Variants in AUTS2 observed in about 807,000 individuals in gnomAD.
The protein encoded by AUTS2 is autism susceptibility gene 2 protein.
Under a neutral mutation model 112.4 loss-of-function variants are expected in AUTS2, and 17 were observed. The observed-to-expected ratio is 0.15, with a 90% CI of 0.10 to 0.23. The LOEUF (loss-of-function observed/expected upper bound fraction) is 0.23, where lower values mean the gene tolerates loss of function less well. Ranked by LOEUF, AUTS2 falls within the 10% of genes least tolerant of loss-of-function variation. The probability of loss-of-function intolerance (pLI) is 1.00; values close to 1 mark genes in which losing one functional copy is unlikely to be tolerated. For missense variants in AUTS2, 1,510 were observed against 1,701.6 expected, an observed-to-expected ratio of 0.89 and a Z score of 1.98; for synonymous variants, 751 against 702.7, an observed-to-expected ratio of 1.07 and a Z score of -1.09.
At chr7:70,522,629 A>G (rs534243356) in intron 5 of AUTS2, among the ~76,000 whole-genome samples, 1 of 152,210 alleles carries the variant, frequency 6.6e-6, no homozygotes, top group African/African-American at 2.4e-5. Context: ...TGCAAAGGAC[A>G]TGATTTTGTT....
chr7:69,897,374 G>A (rs1313087417), intron 1 of AUTS2, among the ~76,000 whole-genome samples: 1 of 152,112 alleles, frequency 6.6e-6, no homozygotes, highest in South Asian at 2.1e-4. Context: ...GAAGTCCAAG[G>A]TGGAGGCACC....
intron 1 of AUTS2, among the ~76,000 whole-genome samples, chr7:69,726,174 T>G (rs1288703974): frequency 6.6e-6 from 1 of 152,174 alleles, no homozygotes; most frequent in Non-Finnish European, 1.5e-5. Flanking sequence ...CTGAAAAAGT[T>G]TTTTAGTTTC....
At chr7:69,812,672 G>C (rs534639135) in intron 1 of AUTS2, among the ~76,000 whole-genome samples, 1 of 151,368 alleles carries the variant, frequency 6.6e-6, no homozygotes, top group African/African-American at 2.4e-5. Context: ...TCTCTATCTG[G>C]TTTTTTTTTC....
chr7:70,361,510 G>A (rs1001032007), intron 4 of AUTS2, among the ~76,000 whole-genome samples: 11 of 152,132 alleles, frequency 7.2e-5, no homozygotes, highest in African/African-American at 2.7e-4. Context: ...GTTTTCCAGA[G>A]CATTGCTGGG....
At chr7:70,070,629 G>A (rs1386174734) in intron 2 of AUTS2, among the ~76,000 whole-genome samples, 1 of 152,152 alleles carries the variant, frequency 6.6e-6, no homozygotes, top group Non-Finnish European at 1.5e-5. Flanking sequence ...ACTTTGGGAG[G>A]CTGAGGAGGG....
intron 4 of AUTS2, among the ~76,000 whole-genome samples, chr7:70,217,251 CCTT>C (rs1274706913): frequency 2.6e-5 from 4 of 152,222 alleles, no homozygotes; most frequent in African/African-American, 7.2e-5. Flanking sequence ...ATGTTCCTAT[CCTT>C]CTTTCCACTG....
chr7:70,133,803 T>C (rs1321133863), intron 3 of AUTS2, among the ~76,000 whole-genome samples: 1 of 152,198 alleles, frequency 6.6e-6, no homozygotes, highest in African/African-American at 2.4e-5. Context: ...GGGGCTTCTT[T>C]TCCCAAACAA....
chr7:69,826,270 G>A (rs1044942290), intron 1 of AUTS2, among the ~76,000 whole-genome samples: 2 of 152,142 alleles, frequency 1.3e-5, no homozygotes, highest in African/African-American at 2.4e-5. Flanking sequence ...TCTCTCACAC[G>A]GCTGTGGACT....
chr7:69,672,283 T>C (rs1796371564), intron 1 of AUTS2, among the ~76,000 whole-genome samples: 2 of 152,116 alleles, frequency 1.3e-5, no homozygotes, highest in South Asian at 4.2e-4. Flanking sequence ...GATCTCGAAC[T>C]CCCGACCTCA....
At chr7:70,566,362 A>C (rs1801708398) in intron 5 of AUTS2, among the ~76,000 whole-genome samples, 3 of 152,212 alleles carry the variant, frequency 2.0e-5, no homozygotes, top group Admixed American at 2.0e-4. Context: ...GCCAGCTTCT[A>C]CTGGGAACTT....
chr7:70,013,379 G>A (rs1361477581), intron 2 of AUTS2, among the ~76,000 whole-genome samples: 1 of 152,190 alleles, frequency 6.6e-6, no homozygotes, highest in Non-Finnish European at 1.5e-5. Flanking sequence ...GGAGCTGGAG[G>A]TGGGAATTCT....
chr7:70,781,536 C>T, intron 14 of AUTS2, 79 bp from the exon 15 acceptor site: 1 of 1,537,964 alleles, frequency 6.5e-7, no homozygotes, highest in Non-Finnish European at 8.8e-7. Context: ...CGTTCACAGT[C>T]TCCAGCTCCA....
intron 4 of AUTS2, among the ~76,000 whole-genome samples, chr7:70,253,608 A>T (rs1786713608): frequency 6.6e-6 from 1 of 152,056 alleles, no homozygotes; most frequent in Non-Finnish European, 1.5e-5. Flanking sequence ...CAGATATTTG[A>T]TTATTTCATG....
At chr7:70,469,510 G>A (rs1444667150) in intron 5 of AUTS2, among the ~76,000 whole-genome samples, 1 of 152,202 alleles carries the variant, frequency 6.6e-6, no homozygotes, top group Admixed American at 6.5e-5. Flanking sequence ...GAGCAAGCAT[G>A]AGAGGTCAGA....
chr7:70,449,900 G>T (rs1796461989), intron 5 of AUTS2, among the ~76,000 whole-genome samples: 1 of 152,014 alleles, frequency 6.6e-6, no homozygotes, highest in Non-Finnish European at 1.5e-5. Flanking sequence ...TTACTCCCCT[G>T]CCCCACCCAA....
At chr7:70,158,214 A>G (rs1807887183) in intron 4 of AUTS2, among the ~76,000 whole-genome samples, 2 of 152,100 alleles carry the variant, frequency 1.3e-5, no homozygotes, top group South Asian at 4.1e-4. Flanking sequence ...AAGAGTTTTC[A>G]TTTCATAGTG....
At chr7:70,386,178 A>G (rs1458812403) in intron 4 of AUTS2, among the ~76,000 whole-genome samples, 1 of 152,116 alleles carries the variant, frequency 6.6e-6, no homozygotes, top group Non-Finnish European at 1.5e-5. Flanking sequence ...TGTGCCCTCT[A>G]TATGTCTTCC....
rs1184880020 is a variant in AUTS2 at position 70,010,134 on chromosome 7, G to A, written c.523-107998G>A. Among the ~76,000 whole-genome samples, 6 of 152,034 alleles carry A rather than the reference G, an allele frequency of 3.9e-5. No individual in the cohort carries two copies. The East Asian group carries it at 1.2e-3, about 29-fold the overall frequency. On this transcript the variant is annotated intron_variant, in intron 2 of 18. Transcript: ENST00000342771. ...TTAAAGTATGCCTCAGCTATGTCAT[G>A]AGGATATTTTTTTTTAATTAATTTT...
At chr7:70,736,039 C>CCT (rs1554473831) in intron 6 of AUTS2, among the ~76,000 whole-genome samples, 1 of 151,156 alleles carries the variant, frequency 6.6e-6, no homozygotes, top group Non-Finnish European at 1.5e-5. Flanking sequence ...TTTTATTATA[C>CCT]GTGTGTGTGT....
Sources: allele counts gnomAD v4.1 joint callset (sites outside exome capture counted in the v4.1 genomes callset), GRCh38; gene constraint gnomAD v4.1.1; transcripts MANE v1.5; gene names NCBI Gene and HGNC (gene_info 2026-07-23, HGNC 2026-07-21).